Variants in ARHGAP29 observed in about 807,000 individuals in gnomAD.
ARHGAP29 encodes the protein rho GTPase-activating protein 29.
A neutral mutation model predicts 122.6 loss-of-function variants in ARHGAP29; 43 were observed. The ratio of observed to expected loss-of-function variants is 0.35; its 90% CI spans 0.27 to 0.45. The LOEUF (loss-of-function observed/expected upper bound fraction) is 0.45, where lower values mean the gene tolerates loss of function less well. ARHGAP29 is among the 20% of genes least tolerant of loss of function. ARHGAP29 has a pLI of 1.00. For synonymous variants in ARHGAP29, 506 were observed against 497.1 expected (o/e 1.02, Z -0.24); for missense variants, 1,303 against 1,477.2 (o/e 0.88, Z 1.93).
intron 3 of ARHGAP29, among the ~76,000 whole-genome samples, chr1:94,211,897 C>T (rs1651644435): frequency 6.6e-6 from 1 of 152,108 alleles, no homozygotes; most frequent in African/African-American, 2.4e-5. Context: ...AATGCTATCC[C>T]TCCCTCCTCC....
At chr1:94,260,270 C>G (rs1654509673) in intron 1 of ARHGAP29, among the ~76,000 whole-genome samples, 1 of 152,214 alleles carries the variant, frequency 6.6e-6, no homozygotes, top group Admixed American at 6.5e-5. Flanking sequence ...GACTACGATT[C>G]TGACAACCAA....
chr1:94,190,438 G>C (rs978019694), intron 12 of ARHGAP29: 1 of 168,026 alleles, frequency 6.0e-6, no homozygotes, highest in African/African-American at 2.4e-5. Flanking sequence ...AACTGCCTAA[G>C]AGAAAAACAT....
intron 1 of ARHGAP29, among the ~76,000 whole-genome samples, chr1:94,267,395 G>A (rs1654813384): frequency 1.3e-5 from 2 of 152,254 alleles, no homozygotes; most frequent in South Asian, 2.1e-4. Context: ...ACTGGGATCA[G>A]GTAAAAGTGT....
the ARHGAP29 span, among the ~76,000 whole-genome samples, chr1:94,310,283 G>A: frequency 6.6e-6 from 1 of 152,170 alleles, no homozygotes; most frequent in Non-Finnish European, 1.5e-5. Context: ...ACAGTGAAGA[G>A]GAAGGAGATC....
chr1:94,278,844 A>G (rs1655267831), upstream of ARHGAP29, among the ~76,000 whole-genome samples: 1 of 152,228 alleles, frequency 6.6e-6, no homozygotes, highest in African/African-American at 2.4e-5. Flanking sequence ...CCAACTGTCA[A>G]TAAATACAAG....
At chr1:94,293,293 G>A in the ARHGAP29 span, among the ~76,000 whole-genome samples, 4,606 of 152,312 alleles carry the variant, frequency 0.03, 250 homozygotes, top group African/African-American at 0.11. Flanking sequence ...AGCCAGGCAC[G>A]GGAGGGAATC....
upstream of ARHGAP29, among the ~76,000 whole-genome samples, chr1:94,276,127 G>A (rs1045193778): frequency 2.0e-5 from 3 of 151,936 alleles, no homozygotes; most frequent in Non-Finnish European, 4.4e-5. Flanking sequence ...GCGTGGTGGG[G>A]CATGCCTGTA....
In ARHGAP29 at chr1:94,173,863, A is replaced by T. The variant is rs1444979458; in HGVS notation, c.*6T>A. 7 of 1,573,028 alleles carry T rather than the reference A, an allele frequency of 4.5e-6. No homozygotes were observed. In the Admixed American group the frequency reaches 5.6e-5, roughly 13 times the overall value. ...AACAACAAAAAAACCCTGAAATTTG[A>T]CATCCCTACACAAATTGTGGAATTT... is the stretch of plus-strand genomic sequence containing the variant. On this transcript the variant is annotated 3_prime_UTR_variant, in exon 23 of 23. Transcript: ENST00000260526.
intron 1 of ARHGAP29, among the ~76,000 whole-genome samples, chr1:94,251,231 C>G (rs924563687): frequency 6.7e-6 from 1 of 148,280 alleles, no homozygotes; most frequent in Non-Finnish European, 1.5e-5. Flanking sequence ...AGTGCAGTGG[C>G]GCAATCTTGG....
At chr1:94,207,450 A>AT (rs1381943986) in intron 5 of ARHGAP29, among the ~76,000 whole-genome samples, 1 of 152,160 alleles carries the variant, frequency 6.6e-6, no homozygotes, top group East Asian at 1.9e-4. Context: ...AGAAAAAAGT[A>AT]TTTTTTCCTG....
At chr1:94,247,282 G>T (rs1284462248) in intron 1 of ARHGAP29, among the ~76,000 whole-genome samples, 1 of 152,020 alleles carries the variant, frequency 6.6e-6, no homozygotes, top group Admixed American at 6.5e-5. Context: ...AAGGGAGCGG[G>T]GCTGAGACAC....
intron 1 of ARHGAP29, among the ~76,000 whole-genome samples, chr1:94,257,139 G>C (rs148924124): frequency 0.026 from 3,978 of 151,658 alleles, 180 homozygotes; most frequent in African/African-American, 0.091. Flanking sequence ...CATGGTGGCT[G>C]ACACCTGTAA....
At chr1:94,198,076 A>G (rs1385438116) in intron 12 of ARHGAP29, among the ~76,000 whole-genome samples, 1 of 152,242 alleles carries the variant, frequency 6.6e-6, no homozygotes, top group Non-Finnish European at 1.5e-5. Flanking sequence ...ATAGTTTTCT[A>G]TGTAGAGAAT....
chr1:94,219,591 TTCC>T (rs1231724368), intron 3 of ARHGAP29, among the ~76,000 whole-genome samples: 35 of 152,164 alleles, frequency 2.3e-4, no homozygotes, highest in African/African-American at 8.2e-4. Context: ...TAGCCCATTA[TTCC>T]TAACAATCTC....
chr1:94,284,252 T>C, the ARHGAP29 span, among the ~76,000 whole-genome samples: 1 of 152,220 alleles, frequency 6.6e-6, no homozygotes, highest in African/African-American at 2.4e-5. Context: ...TCAGAGTTTT[T>C]AAACTTTTAA....
intron 2 of ARHGAP29, 118 bp downstream of exon 2, chr1:94,231,289 C>T: frequency 1.3e-6 from 1 of 791,812 alleles, no homozygotes; most frequent in South Asian, 1.8e-5. Context: ...GAAAAAAGCA[C>T]TAAAATAACT....
chr1:94,212,331 C>A (rs1354432725), intron 3 of ARHGAP29, among the ~76,000 whole-genome samples: 1 of 151,898 alleles, frequency 6.6e-6, no homozygotes, highest in Non-Finnish European at 1.5e-5. Context: ...AAAGGGGGGA[C>A]CAAGAGATAC....
At chr1:94,186,290 T>G (rs1405293298) in intron 16 of ARHGAP29, among the ~76,000 whole-genome samples, 1 of 152,238 alleles carries the variant, frequency 6.6e-6, no homozygotes, top group African/African-American at 2.4e-5. Flanking sequence ...TTGCTGCCTA[T>G]TCTTATATTT....
the ARHGAP29 span, among the ~76,000 whole-genome samples, chr1:94,299,090 A>G: frequency 6.6e-6 from 1 of 152,206 alleles, no homozygotes; most frequent in African/African-American, 2.4e-5. Flanking sequence ...ACATTTCATC[A>G]CAAATGCTGG....
Sources: allele counts gnomAD v4.1 joint callset (sites outside exome capture counted in the v4.1 genomes callset), GRCh38; gene constraint gnomAD v4.1.1; transcripts MANE v1.5; gene names NCBI Gene and HGNC (gene_info 2026-07-23, HGNC 2026-07-21).